Variants in ALDH1L2 observed in about 807,000 individuals in gnomAD.
The protein encoded by ALDH1L2 is aldehyde dehydrogenase 1 family member L2, also known as mitochondrial 10-formyltetrahydrofolate dehydrogenase.
Under a neutral mutation model 111.0 loss-of-function variants are expected in ALDH1L2, and 91 were observed. That is an observed-to-expected ratio of 0.82 (90% CI 0.69 to 0.98). The LOEUF (loss-of-function observed/expected upper bound fraction) is 0.98. Ranked by LOEUF, ALDH1L2 falls within the 50% of genes least tolerant of loss-of-function variation. ALDH1L2 has a pLI of 0.00. For synonymous variants in ALDH1L2, 374 were observed against 392.6 expected, an observed-to-expected ratio of 0.95 and a Z score of 0.56; for missense variants, 995 against 1,126.8, an observed-to-expected ratio of 0.88 and a Z score of 1.67.
intron 10 of ALDH1L2, among the ~76,000 whole-genome samples, chr12:105,056,504 A>G (rs572291475): frequency 1.3e-3 from 203 of 152,258 alleles, no homozygotes; most frequent in Non-Finnish European, 2.4e-3. Flanking sequence ...ACAGGTAAAT[A>G]TAAACATTGG....
intron 12 of ALDH1L2, chr12:105,050,662 C>T (rs747830873): frequency 4.4e-5 from 20 of 454,082 alleles, no homozygotes; most frequent in East Asian, 7.0e-5. Context: ...AATCCCCCTC[C>T]GACAATCTTT....
chr12:105,073,990 T>C lies in ALDH1L2; in HGVS notation c.64A>G (p.Lys22Glu). 1 of 1,614,190 alleles carries C rather than the reference T, an allele frequency of 6.2e-7. No individual in the cohort carries two copies. The change falls in exon 2 of 23, where the codon AAG (lysine) becomes GAG (glutamate). Residue 22 changes from lysine to glutamate, a missense_variant. Transcript: ENST00000258494. ...FSTGRVYFKN[K>E]LKLALIGQSL... is the part of the protein sequence containing the mutation. ...TGGCCAATTAGTGCCAACTTCAGCT[T>C]GTTTTTGAAATAAACCTGTGAAACA...
At chr12:105,065,513 G>T (rs937612729) in intron 5 of ALDH1L2, among the ~76,000 whole-genome samples, 157 bp from the exon 6 acceptor site, 10 of 152,172 alleles carry the variant, frequency 6.6e-5, no homozygotes, top group Non-Finnish European at 1.2e-4. Context: ...TTGTCAGGTG[G>T]CTGATTTAGT....
intron 1 of ALDH1L2, 24 bp from the exon 2 acceptor site, chr12:105,074,029 G>A: frequency 6.2e-7 from 1 of 1,613,840 alleles, no homozygotes; most frequent in Non-Finnish European, 8.5e-7. Flanking sequence ...CAATGACGAA[G>A]ACATAAGCAT....
intron 6 of ALDH1L2, 136 bp from the exon 7 acceptor site, chr12:105,063,158 G>T: frequency 9.6e-7 from 1 of 1,038,594 alleles, no homozygotes; most frequent in Non-Finnish European, 1.3e-6. Context: ...CACAATGGGA[G>T]AAACTGTCTC....
At position 105,058,957 on chromosome 12, in the gene ALDH1L2, C is replaced by CA. The variant is rs201649829; in HGVS notation, c.1140-738dup. 4.5e-3 allele frequency among the ~76,000 whole-genome samples: 659 copies of CA among 146,758 alleles called. 5 individuals are homozygous for CA. Among genetic ancestry groups the CA allele is most frequent in the East Asian group, 0.032 (162 of 5,080 alleles). On this transcript the variant is annotated intron_variant, in intron 9 of 22. Transcript: ENST00000258494. ...AATTCCTGCAGGAGTATCTTGCTAG[C>CA]AAAAAAAAAAGTATTAATAATACAG... is the stretch of plus-strand genomic sequence containing the variant.
At chr12:105,067,998 C>CT (rs1035674237) in intron 4 of ALDH1L2, among the ~76,000 whole-genome samples, 19 of 152,136 alleles carry the variant, frequency 1.2e-4, no homozygotes, top group African/African-American at 4.1e-4. Context: ...AGCGACTTGC[C>CT]TGTGGTCATG....
chr12:105,068,681 A>C, intron 4 of ALDH1L2, 38 bp downstream of exon 4: 2 of 1,391,974 alleles, frequency 1.4e-6, no homozygotes, highest in Non-Finnish European at 1.9e-6. Context: ...TCAAAACTTT[A>C]AAGGTTTACT....
At position 105,049,931 on chromosome 12, in the gene ALDH1L2, C is replaced by CAAAATATCTG; in HGVS notation, c.1653_1662dup (p.Ala555GlnfsTer109). On this transcript the variant is annotated frameshift_variant, in exon 13 of 23. Coordinates refer to ENST00000258494, the MANE Select transcript of ALDH1L2 (RefSeq NM_001034173.4). LOFTEE classifies it high-confidence loss of function. Reference sequence around the variant, plus strand: ...ACCTGAATTTTGTCGCACCAGCCAGCAAAATATCTGAATGTTTGCACAGAC... The same window carrying CAAAATATCTG: ...ACCTGAATTTTGTCGCACCAGCCAGCAAAATATCTGAAAATATCTGAATGTTTGCACAGAC... 2 of 1,611,020 alleles carry CAAAATATCTG rather than the reference C, an allele frequency of 1.2e-6. No homozygotes were observed. Among genetic ancestry groups the CAAAATATCTG allele is most frequent in the Non-Finnish European group, 1.7e-6 (2 of 1,178,598 alleles).
In ALDH1L2 at chr12:105,079,597, C is replaced by T. The variant is rs560885600; in HGVS notation, c.48+4792G>A. Among the ~76,000 whole-genome samples, 89 of 152,100 alleles carry T rather than the reference C, an allele frequency of 5.9e-4. 7 individuals carry two copies. The highest frequency in any genetic ancestry group is 1.6e-4 in the Non-Finnish European group (11 of 68,028). On this transcript the variant is annotated intron_variant, in intron 1 of 22. Transcript: ENST00000258494. ...GTAAAGGGAGAGACAGTCCAAAGGG[C>T]TCGAGTCCAGAAACGGACTCCAGTA...
At chr12:105,027,892 A>G (rs1874495237) in intron 21 of ALDH1L2, among the ~76,000 whole-genome samples, 1 of 152,152 alleles carries the variant, frequency 6.6e-6, no homozygotes, top group African/African-American at 2.4e-5. Context: ...GTGGGATTAC[A>G]TGTGCTTATT....
At position 105,084,439 on chromosome 12, in the gene ALDH1L2, T is replaced by C. The variant is rs975123219; in HGVS notation, c.-3A>G. Reference sequence around the variant, plus strand: ...GCCTGGCTGCCCCGCCGCAGCATGCTGGAGAGGAGCGCTAGCACTGGCGAC... The same window carrying C: ...GCCTGGCTGCCCCGCCGCAGCATGCCGGAGAGGAGCGCTAGCACTGGCGAC... On this transcript the variant is annotated 5_prime_UTR_variant, in exon 1 of 23. Coordinates refer to ENST00000258494, the MANE Select transcript of ALDH1L2 (RefSeq NM_001034173.4). 1.0e-5 allele frequency: 15 copies of C among 1,489,368 alleles called. No individual in the cohort carries two copies. Among genetic ancestry groups the C allele is most frequent in the Non-Finnish European group, 1.2e-5 (14 of 1,127,558 alleles). 92.3% of individuals were successfully genotyped at this position (1,489,368 alleles called of 1,614,324 possible).
At chr12:105,024,972 G>A (rs76854447) in intron 22 of ALDH1L2, among the ~76,000 whole-genome samples, 1,869 of 152,252 alleles carry the variant, frequency 0.012, 47 homozygotes, top group African/African-American at 0.043. Flanking sequence ...AAATCATTTG[G>A]TTTAACCTTA....
At chr12:105,080,783 G>A (rs1342144099) in intron 1 of ALDH1L2, among the ~76,000 whole-genome samples, 1 of 152,186 alleles carries the variant, frequency 6.6e-6, no homozygotes, top group East Asian at 1.9e-4. Context: ...GCTCAAAAAT[G>A]TTCAGATTTT....
rs940819228 is a variant in ALDH1L2 at position 105,020,485 on chromosome 12, T to C, written c.*3939A>G. 6.6e-6 allele frequency: 1 copy of C among 152,218 alleles called. No homozygotes were observed. Among genetic ancestry groups the C allele is most frequent in the African/African-American group, 2.4e-5 (1 of 41,458 alleles). 9.4% of individuals were successfully genotyped at this position (152,218 alleles called of 1,614,324 possible). On this transcript the variant is annotated 3_prime_UTR_variant, in exon 23 of 23. Coordinates refer to ENST00000258494, the MANE Select transcript of ALDH1L2 (RefSeq NM_001034173.4). Reference sequence around the variant, plus strand: ...CTCTCCATTTGAAAGCAAACATTTATTGGGCTCCTGTTACACATTAGGACT... The same window carrying C: ...CTCTCCATTTGAAAGCAAACATTTACTGGGCTCCTGTTACACATTAGGACT...
At chr12:105,065,189 G>T (rs1276576993) in intron 6 of ALDH1L2, 78 bp downstream of exon 6, 10 of 955,242 alleles carry the variant, frequency 1.0e-5, no homozygotes, top group Non-Finnish European at 1.2e-5. Context: ...ACCATGGGAA[G>T]CCCAGATTTA....
At chr12:105,079,071 T>C (rs1475020945) in intron 1 of ALDH1L2, among the ~76,000 whole-genome samples, 2 of 152,200 alleles carry the variant, frequency 1.3e-5, no homozygotes, top group South Asian at 4.1e-4. Flanking sequence ...GTCTAGTTTC[T>C]ATGCTAATAG....
Position 105,084,430 on chromosome 12 carries a change from G to A in ALDH1L2, c.7C>T (p.Arg3Trp). The change falls in exon 1 of 23, where the codon CGG becomes TGG. Residue 3 changes from arginine to tryptophan, a missense_variant. Arg to Trp is a moderately radical substitution (Grantham distance 101). Coordinates refer to ENST00000258494, the MANE Select transcript of ALDH1L2 (RefSeq NM_001034173.4). ML[R>W]RGSQALRRFS... is the part of the protein sequence containing the mutation. Reference sequence around the variant, plus strand: ...CGCCGGAGCGCCTGGCTGCCCCGCCGCAGCATGCTGGAGAGGAGCGCTAGC... The same window carrying A: ...CGCCGGAGCGCCTGGCTGCCCCGCCACAGCATGCTGGAGAGGAGCGCTAGC... The A allele has an allele frequency of 2.7e-6, 4 of 1,494,972 alleles. No homozygotes were observed. The highest frequency in any genetic ancestry group is 2.2e-5 in the Admixed American group (1 of 44,848). The allele number at this position is 1,494,972 out of a possible 1,614,324, so 92.6% of individuals were successfully genotyped here.
In ALDH1L2 at chr12:105,049,943, A is replaced by G. The variant is rs1876147126; in HGVS notation, c.1651T>C (p.Phe551Leu). 1 of 1,611,684 alleles carries G rather than the reference A, an allele frequency of 6.2e-7. No homozygotes were observed. Among genetic ancestry groups the G allele is most frequent in the Non-Finnish European group, 8.5e-7 (1 of 1,178,888 alleles). The change falls in exon 13 of 23, where the codon TTC becomes CTC. Residue 551 changes from phenylalanine to leucine, a missense_variant. Physicochemically the swap from Phe to Leu is conservative, Grantham distance 22 (BLOSUM62 0). Transcript: ENST00000258494. Reference sequence around the variant, plus strand: ...TCGCACCAGCCAGCAAAATATCTGAATGTTTGCACAGACATTCCAATGTGT... The same window carrying G: ...TCGCACCAGCCAGCAAAATATCTGAGTGTTTGCACAGACATTCCAATGTGT... ...KTHIGMSVQT[F>L]RYFAGWCDKI...
Sources: gnomAD v4.1 joint callset for allele counts (sites outside exome capture counted in the v4.1 genomes callset) on GRCh38, gnomAD v4.1.1 for gene constraint, MANE v1.5 for transcripts, NCBI Gene and HGNC (gene_info 2026-07-23, HGNC 2026-07-21) for gene names.